Variants in CACNA1S observed in about 807,000 individuals in gnomAD.
CACNA1S encodes the protein voltage-dependent L-type calcium channel subunit alpha-1S.
CACNA1S carries 126 observed loss-of-function variants against 207.4 expected under a neutral mutation model. That is an observed-to-expected ratio of 0.61 (90% CI 0.53 to 0.70). The LOEUF (loss-of-function observed/expected upper bound fraction) is 0.70. CACNA1S is among the 30% of genes least tolerant of loss of function. The pLI is 0.00. For missense variants in CACNA1S, 2,349 were observed against 2,422.8 expected, an observed-to-expected ratio of 0.97 and a Z score of 0.64; for synonymous variants, 960 against 932.7, an observed-to-expected ratio of 1.03 and a Z score of -0.53.
chr1:201,083,055 A>G (rs756894487), intron 10 of CACNA1S, 107 bp downstream of exon 10: 42 of 1,165,264 alleles, frequency 3.6e-5, no homozygotes, highest in Non-Finnish European at 4.6e-5. Context: ...AATGATGTCA[A>G]TATCTAATTG....
intron 1 of CACNA1S, among the ~76,000 whole-genome samples, chr1:201,111,657 C>A (rs58258683): frequency 6.6e-6 from 1 of 152,096 alleles, no homozygotes; most frequent in Non-Finnish European, 1.5e-5. Flanking sequence ...ACTGTCACCC[C>A]CCACCCAACC....
At chr1:201,048,975 G>T (rs773222921) in intron 35 of CACNA1S, 28 bp downstream of exon 35, 7 of 1,569,800 alleles carry the variant, frequency 4.5e-6, no homozygotes, top group Non-Finnish European at 6.1e-6. Context: ...CCTCCCTGGG[G>T]CCACCCATCC....
At chr1:201,087,441 G>C (rs899184766) in intron 7 of CACNA1S, among the ~76,000 whole-genome samples, 1 of 152,166 alleles carries the variant, frequency 6.6e-6, no homozygotes, top group East Asian at 1.9e-4. Flanking sequence ...CACCCCCGGG[G>C]CCAGGAGGCT....
rs759163410 is a variant in CACNA1S at position 201,093,943 on chromosome 1, G to T, written c.337C>A (p.His113Asn). 1.2e-6 allele frequency: 2 copies of T among 1,614,208 alleles called. No homozygotes were observed. The highest frequency in any genetic ancestry group is 2.2e-5 in the South Asian group (2 of 91,078). Residue 113 changes from histidine to asparagine, a missense_variant, in exon 3 of 44, where the codon CAC (histidine) becomes AAC (asparagine). Coordinates refer to ENST00000362061, the MANE Select transcript of CACNA1S (RefSeq NM_000069.3). ...MKIIAYGFLF[H>N]QDAYLRSGWN... ...CCACTGCGCAGGTAAGCGTCCTGGT[G>T]GAATAAGAAGCCGTAGGCAATGATC...
chr1:201,065,099 G>C (rs1661195459), intron 22 of CACNA1S, among the ~76,000 whole-genome samples: 1 of 152,226 alleles, frequency 6.6e-6, no homozygotes, highest in Non-Finnish European at 1.5e-5. Flanking sequence ...GGGGTAGGGA[G>C]AGAGCAGATA....
At chr1:201,105,921 C>T (rs1043738272) in intron 2 of CACNA1S, among the ~76,000 whole-genome samples, 1 of 152,192 alleles carries the variant, frequency 6.6e-6, no homozygotes, top group African/African-American at 2.4e-5. Flanking sequence ...CAACCATCCC[C>T]GCCCCTGCCC....
intron 9 of CACNA1S, 80 bp downstream of exon 9, chr1:201,084,868 TGA>T: frequency 1.0e-6 from 1 of 974,470 alleles, no homozygotes; most frequent in Middle Eastern, 2.1e-4. Flanking sequence ...CTGAAACCAC[TGA>T]GGGGAAGTAA....
intron 26 of CACNA1S, 88 bp downstream of exon 26, chr1:201,060,570 A>G (rs571817468): frequency 3.9e-4 from 543 of 1,383,740 alleles, no homozygotes; most frequent in Non-Finnish European, 5.2e-4. Context: ...ACTGGGGGGA[A>G]TCCTGGCTAT....
chr1:201,076,779 G>C (rs1463316019), intron 12 of CACNA1S, 141 bp downstream of exon 12: 2 of 792,016 alleles, frequency 2.5e-6, no homozygotes, highest in Admixed American at 1.8e-5. Context: ...GGTGATAGGG[G>C]AGCCCAGAGA....
intron 19 of CACNA1S, 32 bp downstream of exon 19, chr1:201,069,105 C>T: frequency 2.5e-6 from 4 of 1,601,818 alleles, no homozygotes; most frequent in South Asian, 1.1e-5. Context: ...GGGAAACTCC[C>T]TCCCCAGGGC....
intron 2 of CACNA1S, among the ~76,000 whole-genome samples, chr1:201,094,356 A>C (rs1023278672): frequency 6.6e-6 from 1 of 152,046 alleles, no homozygotes; most frequent in African/African-American, 2.4e-5. Context: ...TACCATATCT[A>C]TATATATATT....
At chr1:201,047,665 C>T in intron 36 of CACNA1S, 39 bp from the exon 37 acceptor site, 1 of 1,367,914 alleles carries the variant, frequency 7.3e-7, no homozygotes, top group Non-Finnish European at 1.0e-6. Context: ...CAGATCACAC[C>T]AACTGCACTT....
chr1:201,058,440 T>G lies in CACNA1S; in HGVS notation c.3577A>C (p.Ser1193Arg). Residue 1193 changes from serine to arginine, a missense_variant, in exon 28 of 44, where the codon AGC (serine) becomes CGC (arginine). By Grantham distance (110) the Ser-to-Arg change is moderately radical. Transcript: ENST00000362061. Reference sequence around the variant, plus strand: ...TCACTGAGGATGACATCAATGATGCTGCCAATGACAATCAGGAAGTCAAAC... The same window carrying G: ...TCACTGAGGATGACATCAATGATGCGGCCAATGACAATCAGGAAGTCAAAC... ...NVFDFLIVIGSIIDVILSEID... is the reference protein window; with the variant it reads ...NVFDFLIVIGRIIDVILSEID... 6.2e-7 allele frequency: 1 copy of G among 1,614,202 alleles called. No individual in the cohort carries two copies. The highest frequency in any genetic ancestry group is 1.7e-5 in the Admixed American group (1 of 60,036).
intron 3 of CACNA1S, among the ~76,000 whole-genome samples, chr1:201,093,150 A>G (rs1662299014): frequency 6.6e-6 from 1 of 152,226 alleles, no homozygotes; most frequent in Admixed American, 6.5e-5. Flanking sequence ...CTAAATTCAT[A>G]TGCTGAAGCC....
chr1:201,103,975 T>A (rs986419405), intron 2 of CACNA1S, among the ~76,000 whole-genome samples: 3 of 150,872 alleles, frequency 2.0e-5, no homozygotes, highest in Non-Finnish European at 4.4e-5. Context: ...GCAGCCATCT[T>A]GCAGAGCTTG....
intron 19 of CACNA1S, 115 bp downstream of exon 19, chr1:201,069,022 C>T (rs1661354864): frequency 2.1e-6 from 2 of 934,022 alleles, no homozygotes; most frequent in Non-Finnish European, 3.5e-6. Context: ...ATGAGTCTTT[C>T]CTGCCAGTCT....
intron 22 of CACNA1S, 141 bp downstream of exon 22, chr1:201,065,694 CTAT>C (rs1161858259): frequency 7.3e-6 from 5 of 686,920 alleles, no homozygotes; most frequent in Non-Finnish European, 1.3e-5. Context: ...TGGTGAAGAC[CTAT>C]TTTTCAAAAT....
chr1:201,061,140 G>A, intron 25 of CACNA1S, 127 bp downstream of exon 25: 2 of 819,190 alleles, frequency 2.4e-6, no homozygotes, highest in South Asian at 2.9e-5. Flanking sequence ...TGGAGGCTAG[G>A]GCTTGGCATC....
intron 41 of CACNA1S, among the ~76,000 whole-genome samples, chr1:201,040,914 GC>G (rs1481067118): frequency 6.6e-5 from 10 of 152,210 alleles, no homozygotes; most frequent in Admixed American, 3.9e-4. Context: ...AACTTTACTG[GC>G]CCTGGTCGCT....
Sources: allele counts gnomAD v4.1 joint callset (sites outside exome capture counted in the v4.1 genomes callset), GRCh38; gene constraint gnomAD v4.1.1; transcripts MANE v1.5; gene names NCBI Gene and HGNC (gene_info 2026-07-23, HGNC 2026-07-21).